DPP6: variants seen among roughly 807,000 people sequenced by gnomAD.
DPP6 encodes dipeptidyl peptidase like 6, also known as A-type potassium channel modulatory protein DPP6.
DPP6 carries 69 observed loss-of-function variants against 122.6 expected under a neutral mutation model. The observed-to-expected ratio is 0.56, with a 90% CI of 0.46 to 0.69. The LOEUF (loss-of-function observed/expected upper bound fraction) is 0.69, where lower values mean the gene tolerates loss of function less well. Ranked by LOEUF, DPP6 falls within the 30% of genes least tolerant of loss-of-function variation. DPP6 has a pLI of 0.00. For synonymous variants in DPP6, 418 were observed against 433.1 expected (o/e 0.97, Z 0.43); for missense variants, 928 against 1,116.9 (o/e 0.83, Z 2.41).
At position 154,062,126 on chromosome 7, in the gene DPP6, GA is replaced by G. The variant is rs1439809590; in HGVS notation, c.243+9064del. ...GGGGACGCACCCCCCGCGAGGCGGG[GA>G]CTGAGAGCCAGACCCTCATCCCCCA... On this transcript the variant is annotated intron_variant, in intron 1 of 25. Transcript: ENST00000377770. Among the ~76,000 whole-genome samples, 20 of 102,550 alleles carry G rather than the reference GA, an allele frequency of 2.0e-4. 4 individuals are homozygous for G. The highest frequency in any genetic ancestry group is 4.2e-4 in the Non-Finnish European group (20 of 47,188). 67.3% of individuals were successfully genotyped at this position (102,550 alleles called of 152,430 possible). A position where few individuals can be genotyped will look rare whatever the true frequency, so the allele number is the denominator to read the frequency against.
chr7:154,112,651 A>AG (rs907110088), intron 1 of DPP6, among the ~76,000 whole-genome samples: 3 of 152,078 alleles, frequency 2.0e-5, no homozygotes, highest in Non-Finnish European at 4.4e-5. Flanking sequence ...TCTCAAAAAA[A>AG]GAAAAAAAAA....
rs1056347380 is a variant in DPP6, at chr7:154,063,685, G to A, written c.243+10622G>A. 7.4e-3 allele frequency among the ~76,000 whole-genome samples: 1,060 copies of A among 143,408 alleles called. 28 individuals carry two copies. Among genetic ancestry groups the A allele is most frequent in the Non-Finnish European group, 9.2e-3 (595 of 64,842 alleles). The allele number at this position is 143,408 out of a possible 152,430, so 94.1% of individuals were successfully genotyped here. A position where few individuals can be genotyped will look rare whatever the true frequency, so the allele number is the denominator to read the frequency against. On this transcript the variant is annotated intron_variant, in intron 1 of 25. Transcript: ENST00000377770. ...GCTTAGGACCCCCATCCCAGCGGGGGGAGGCACCTCCCGTGAGGTGGGGAC... is the reference window on the plus strand; with the variant it reads ...GCTTAGGACCCCCATCCCAGCGGGGAGAGGCACCTCCCGTGAGGTGGGGAC...
intron 1 of DPP6, among the ~76,000 whole-genome samples, chr7:154,265,544 G>A (rs926118932): frequency 6.6e-6 from 1 of 152,168 alleles, no homozygotes; most frequent in East Asian, 1.9e-4. Flanking sequence ...AGACAATCAT[G>A]TTGTAACTTT....
intron 1 of DPP6, among the ~76,000 whole-genome samples, chr7:153,913,617 CAT>C: frequency 8.0e-6 from 1 of 125,224 alleles, no homozygotes; most frequent in Non-Finnish European, 2.0e-5. Context: ...TTGAGGAAAT[CAT>C]CACATCTCCC....
In DPP6 at chr7:154,608,320, C is replaced by CATATATATATATATATAT. The variant is rs35662023; in HGVS notation, c.628-29496_628-29479dup. On this transcript the variant is annotated intron_variant, in intron 5 of 25. Coordinates refer to ENST00000377770, the MANE Select transcript of DPP6 (RefSeq NM_130797.4). ...CATGCTTGCATTTTTTAGGAGTGATCATATATATATATATATATATATTTT... is the reference window on the plus strand; with the variant it reads ...CATGCTTGCATTTTTTAGGAGTGATCATATATATATATATATATATATATATATATATATATATATTTT... Among the ~76,000 whole-genome samples the CATATATATATATATATAT allele has an allele frequency of 7.2e-3, 650 of 89,824 alleles. 23 individuals are homozygous for CATATATATATATATATAT. The highest frequency in any genetic ancestry group is 0.019 in the East Asian group (34 of 1,790). The allele number at this position is 89,824 out of a possible 152,430, so 58.9% of individuals were successfully genotyped here.
chr7:153,800,761 C>G, the DPP6 span, among the ~76,000 whole-genome samples: 1 of 151,958 alleles, frequency 6.6e-6, no homozygotes, highest in Non-Finnish European at 1.5e-5. Flanking sequence ...AAGTGATCTA[C>G]CCTCCTTGGC....
chr7:154,585,275 T>TG (rs1832363609), intron 5 of DPP6, among the ~76,000 whole-genome samples: 1 of 152,258 alleles, frequency 6.6e-6, no homozygotes, highest in African/African-American at 2.4e-5. Flanking sequence ...AAAACGTTTT[T>TG]GCTGTTTTGG....
Position 154,260,825 on chromosome 7 carries a change from C to G in DPP6, c.244-185389C>G, listed in dbSNP as rs191774731. Among the ~76,000 whole-genome samples, 10 of 151,214 alleles carry G rather than the reference C, an allele frequency of 6.6e-5. No homozygotes were observed. The East Asian group carries it at 1.7e-3, about 26-fold the overall frequency. ...TGCAGGTATCTTTTTCATATAATTA[C>G]TTATTTTCTTCTTGGTAAATACCTA... On this transcript the variant is annotated intron_variant, in intron 1 of 25. Coordinates refer to ENST00000377770, the MANE Select transcript of DPP6 (RefSeq NM_130797.4).
chr7:153,873,095 G>A, the DPP6 span, among the ~76,000 whole-genome samples: 1 of 152,230 alleles, frequency 6.6e-6, no homozygotes, highest in African/African-American at 2.4e-5. Context: ...ATGGTGAAAG[G>A]TGGAGGGAAG....
chr7:153,868,722 T>C, the DPP6 span, among the ~76,000 whole-genome samples: 1 of 152,346 alleles, frequency 6.6e-6, no homozygotes, highest in Non-Finnish European at 1.5e-5. Flanking sequence ...CTTGCTTCTC[T>C]AGTTCTTTTA....
chr7:154,506,287 G>T (rs73163056), intron 3 of DPP6, among the ~76,000 whole-genome samples: 18,499 of 151,888 alleles, frequency 0.12, 1,376 homozygotes, highest in Non-Finnish European at 0.16. Flanking sequence ...GTTGATATTG[G>T]ATGATATTCT....
chr7:154,058,179 C>A (rs1193094674), intron 1 of DPP6: 1 of 147,126 alleles, frequency 6.8e-6, no homozygotes, highest in African/African-American at 2.5e-5. Flanking sequence ...GCAATCCCCG[C>A]GAGGCGGGGA....
At chr7:153,898,627 C>G (rs1799511292) in intron 1 of DPP6, among the ~76,000 whole-genome samples, 1 of 152,054 alleles carries the variant, frequency 6.6e-6, no homozygotes, top group African/African-American at 2.4e-5. Flanking sequence ...AATGTTGAAA[C>G]AGGTGGAAAG....
intron 1 of DPP6, among the ~76,000 whole-genome samples, chr7:154,358,012 T>A (rs1447247659): frequency 6.6e-6 from 1 of 152,012 alleles, no homozygotes; most frequent in Non-Finnish European, 1.5e-5. Flanking sequence ...TCTTGAATTA[T>A]GTCAGTGGTG....
At chr7:154,719,649 G>C (rs1015459112) in intron 7 of DPP6, among the ~76,000 whole-genome samples, 1 of 152,178 alleles carries the variant, frequency 6.6e-6, no homozygotes, top group Non-Finnish European at 1.5e-5. Flanking sequence ...CTGCACAGTT[G>C]GCTTCCAGCA....
In DPP6 at chr7:154,863,968, G is replaced by A. The variant is rs1803639666; in HGVS notation, c.1715-4027G>A. ...GGCAGCTGCAAGAGCACAGGGAGGG[G>A]GCGAGGTGGGGCAGAGAGGGGTCCT... On this transcript the variant is annotated intron_variant, in intron 17 of 25. Coordinates refer to ENST00000377770, the MANE Select transcript of DPP6 (RefSeq NM_130797.4). The surrounding 1 kb of genome is among the most constrained non-coding windows in gnomAD (Gnocchi z 4.1). Among the ~76,000 whole-genome samples the A allele has an allele frequency of 6.6e-6, 1 of 152,150 alleles. No homozygotes were observed. Among genetic ancestry groups the A allele is most frequent in the South Asian group, 2.1e-4 (1 of 4,824 alleles).
intron 8 of DPP6, among the ~76,000 whole-genome samples, chr7:154,749,602 TGGA>T (rs1843254237): frequency 7.3e-6 from 1 of 136,288 alleles, no homozygotes; most frequent in African/African-American, 2.8e-5. Context: ...GAGAGAGGGA[TGGA>T]GGCTTTACTG....
At chr7:154,291,182 A>G (rs974113148) in intron 1 of DPP6, among the ~76,000 whole-genome samples, 3 of 152,092 alleles carry the variant, frequency 2.0e-5, no homozygotes, top group African/African-American at 7.2e-5. Flanking sequence ...CCCTGTTAGG[A>G]CCTATTGGGA....
chr7:154,668,219 A>ATATATATATATATATATATATATATATAT (rs1554430259), intron 6 of DPP6, among the ~76,000 whole-genome samples: 19 of 54,378 alleles, frequency 3.5e-4, no homozygotes, highest in South Asian at 1.1e-3. Context: ...ATATATATAT[A>ATATATATATATATATATATATATATATAT]ATATACACAT....
Sources: gnomAD v4.1 joint callset for allele counts (sites outside exome capture counted in the v4.1 genomes callset) on GRCh38, gnomAD v4.1.1 for gene constraint, Gnocchi (gnomAD v3.1) non-coding constraint, MANE v1.5 for transcripts, NCBI Gene and HGNC (gene_info 2026-07-23, HGNC 2026-07-21) for gene names.